NCAPH2: variants seen among roughly 807,000 people sequenced by gnomAD.
NCAPH2 encodes non-SMC condensin II complex subunit H2.
NCAPH2 carries 56 observed loss-of-function variants against 88.6 expected under a neutral mutation model. That is an observed-to-expected ratio of 0.63 (90% CI 0.51 to 0.79). NCAPH2 has a LOEUF of 0.79. Among genes scored for constraint, NCAPH2 ranks in the 30% least tolerant of loss-of-function variants. The pLI is 0.00. For missense variants in NCAPH2, 794 were observed against 792.0 expected, an observed-to-expected ratio of 1.00 and a Z score of -0.03; for synonymous variants, 378 against 313.6, an observed-to-expected ratio of 1.21 and a Z score of -2.17.
chr22:50,522,054 C>T lies in NCAPH2; in HGVS notation c.1162+15C>T, dbSNP rs1204124036. On this transcript the variant is annotated intron_variant, in intron 13 of 19. Coordinates refer to ENST00000420993, the MANE Select transcript of NCAPH2 (RefSeq NM_152299.4). The stretch of plus-strand genomic sequence containing the variant: ...GTCCTTTGCAGGTGAGGCTGAAGTC[C>T]TCGGGGAAGACAGTTTTACTCTCCT... 1.9e-6 allele frequency: 3 copies of T among 1,613,898 alleles called. No homozygotes were observed. The highest frequency in any genetic ancestry group is 1.7e-5 in the Admixed American group (1 of 60,010).
intron 1 of NCAPH2, 47 bp downstream of exon 1, chr22:50,508,492 T>TG: frequency 5.5e-6 from 2 of 361,032 alleles, no homozygotes; most frequent in Non-Finnish European, 9.3e-6. Context: ...CGGGTGGGGC[T>TG]GCGGGGCGGG....
intron 1 of NCAPH2, among the ~76,000 whole-genome samples, chr22:50,513,373 T>C (rs2068836849): frequency 6.6e-6 from 1 of 151,344 alleles, no homozygotes; most frequent in African/African-American, 2.5e-5. Context: ...CCGAGGTGGC[T>C]CACGCCTGTG....
chr22:50,514,996 G>A (rs1035406221), intron 1 of NCAPH2, among the ~76,000 whole-genome samples: 2 of 152,182 alleles, frequency 1.3e-5, no homozygotes, highest in African/African-American at 2.4e-5. Context: ...GAGCCTCTGC[G>A]TTTTTCAGGC....
At position 50,519,220 on chromosome 22, in the gene NCAPH2, G is replaced by GT; in HGVS notation, c.762dup (p.Gly255TrpfsTer15). On this transcript the variant is annotated frameshift_variant, in exon 9 of 20. Coordinates refer to ENST00000420993, the MANE Select transcript of NCAPH2 (RefSeq NM_152299.4). LOFTEE classifies it high-confidence loss of function. Reference sequence around the variant, plus strand: ...TCTCCAGAAGGCCCGATGCCCCTGGGTGGGGGCGAGGACGAGGATGCAGAG... The same window carrying GT: ...TCTCCAGAAGGCCCGATGCCCCTGGGTTGGGGGCGAGGACGAGGATGCAGAG... 6.2e-7 allele frequency: 1 copy of GT among 1,610,916 alleles called. No homozygotes were observed. Among genetic ancestry groups the GT allele is most frequent in the Non-Finnish European group, 8.5e-7 (1 of 1,179,164 alleles).
chr22:50,514,920 T>G (rs1234216881), intron 1 of NCAPH2, among the ~76,000 whole-genome samples: 3 of 152,250 alleles, frequency 2.0e-5, no homozygotes, highest in Non-Finnish European at 4.4e-5. Flanking sequence ...TAGATCATGC[T>G]CATTTTCCTG....
rs2148663391 is a variant in NCAPH2 at position 50,518,812 on chromosome 22, C to T, written c.730+80C>T. ...GAGGCAGCACCCAGTGGACAGGGCT[C>T]CAAGGGGCTGCTCTCAGCTGCCAGC... is the stretch of plus-strand genomic sequence containing the variant. On this transcript the variant is annotated intron_variant, in intron 8 of 19. Transcript: ENST00000420993. The T allele has an allele frequency of 7.4e-6, 10 of 1,355,796 alleles. No homozygotes were observed. The South Asian group carries it at 1.2e-4, about 16-fold the overall frequency. The allele number at this position is 1,355,796 out of a possible 1,614,324, so 84.0% of individuals were successfully genotyped here. A position where few individuals can be genotyped will look rare whatever the true frequency, so the allele number is the denominator to read the frequency against.
intron 1 of NCAPH2, among the ~76,000 whole-genome samples, chr22:50,516,112 C>T (rs905126893): frequency 3.9e-5 from 6 of 152,112 alleles, no homozygotes; most frequent in African/African-American, 1.4e-4. Flanking sequence ...CCTGAGGTTC[C>T]CTTTTCTTCT....
chr22:50,519,233 CGAG>C lies in NCAPH2; in HGVS notation c.777_779del (p.Glu259del). The stretch of plus-strand genomic sequence containing the variant: ...CGATGCCCCTGGGTGGGGGCGAGGA[CGAG>C]GATGCAGAGGAGGCAGTAGAGCTTC... On this transcript the variant is annotated inframe_deletion, in exon 9 of 20. Coordinates refer to ENST00000420993, the MANE Select transcript of NCAPH2 (RefSeq NM_152299.4). The C allele has an allele frequency of 6.2e-7, 1 of 1,610,368 alleles. No homozygotes were observed. The highest frequency in any genetic ancestry group is 2.2e-5 in the East Asian group (1 of 44,794).
chr22:50,524,704 C>G lies in NCAPH2; in HGVS notation c.*1329C>G. 1.6e-6 allele frequency: 1 copy of G among 636,802 alleles called. No individual in the cohort carries two copies. Among genetic ancestry groups the G allele is most frequent in the Non-Finnish European group, 3.0e-6 (1 of 333,410 alleles). The allele number at this position is 636,802 out of a possible 1,614,324, so 39.4% of individuals were successfully genotyped here. ...CTCAGCAAGGTGAACCTCTTGCTGA[C>G]GGAAAGCATTCCAAGTGCATGCCTT... On this transcript the variant is annotated 3_prime_UTR_variant, in exon 20 of 20. Transcript: ENST00000420993.
At chr22:50,516,209 A>C (rs536048621) in intron 1 of NCAPH2, among the ~76,000 whole-genome samples, 3 of 152,102 alleles carry the variant, frequency 2.0e-5, no homozygotes, top group Non-Finnish European at 2.9e-5. Context: ...GTTTGTAGAC[A>C]GTGTGCCCTG....
At chr22:50,510,317 T>A (rs1429145191) in intron 1 of NCAPH2, among the ~76,000 whole-genome samples, 1 of 151,982 alleles carries the variant, frequency 6.6e-6, no homozygotes, top group African/African-American at 2.4e-5. Flanking sequence ...CCCAGGCTGG[T>A]CTCAAACTGC....
intron 2 of NCAPH2, 80 bp downstream of exon 2, chr22:50,516,628 G>A: frequency 7.5e-7 from 1 of 1,330,804 alleles, no homozygotes; most frequent in Non-Finnish European, 1.1e-6. Context: ...GGCAGGTGCA[G>A]TGGTCGTCCC....
rs1439351743 is a variant in NCAPH2 at position 50,524,171 on chromosome 22, C to T, written c.*796C>T. 1 of 1,610,356 alleles carries T rather than the reference C, an allele frequency of 6.2e-7. No individual in the cohort carries two copies. The highest frequency in any genetic ancestry group is 1.7e-5 in the Admixed American group (1 of 60,028). The stretch of plus-strand genomic sequence containing the variant: ...TTTTGCTGCTGCAGCCTCTCCTTCT[C>T]AGCCCTCAGGGCCAGCCAGGCCCCA... On this transcript the variant is annotated 3_prime_UTR_variant, in exon 20 of 20. Transcript: ENST00000420993.
rs559208052 is a variant in NCAPH2 at position 50,516,914 on chromosome 22, C to T, written c.210+366C>T. Among the ~76,000 whole-genome samples the T allele has an allele frequency of 7.7e-4, 118 of 152,326 alleles. 1 individual carries two copies. Among genetic ancestry groups the T allele is most frequent in the African/African-American group, 1.6e-3 (65 of 41,582 alleles). On this transcript the variant is annotated intron_variant, in intron 2 of 19. Transcript: ENST00000420993. ...CACAACCACCACCCTCACGGTGGGGCCTCTGTTCTGTGGAGGAGAAGGACA... is the reference window on the plus strand; with the variant it reads ...CACAACCACCACCCTCACGGTGGGGTCTCTGTTCTGTGGAGGAGAAGGACA...
chr22:50,524,346 G>A lies in NCAPH2; in HGVS notation c.*971G>A, dbSNP rs768107740. ...GGGCCTGGCCTCCCAGGGTCCCAGG[G>A]AGGACCCGAGGCTTGAGCTGAGAGA... On this transcript the variant is annotated 3_prime_UTR_variant, in exon 20 of 20. Transcript: ENST00000420993. 3 of 1,601,916 alleles carry A rather than the reference G, an allele frequency of 1.9e-6. No homozygotes were observed. The highest frequency in any genetic ancestry group is 4.5e-5 in the East Asian group (2 of 44,866).
chr22:50,516,895 C>G (rs1279940325), intron 2 of NCAPH2, among the ~76,000 whole-genome samples: 1 of 152,186 alleles, frequency 6.6e-6, no homozygotes, highest in African/African-American at 2.4e-5. Flanking sequence ...AGTCCACAAC[C>G]ACCACCCTCA....
chr22:50,523,646 G>C lies in NCAPH2; in HGVS notation c.*271G>C, dbSNP rs374528231. 6.2e-7 allele frequency: 1 copy of C among 1,613,862 alleles called. No homozygotes were observed. Among genetic ancestry groups the C allele is most frequent in the East Asian group, 2.2e-5 (1 of 44,884 alleles). ...ACACTGCGGAAAGCCGCCATGTGCC[G>C]CCGCACACTGTCTGAGATCTGCTCA... On this transcript the variant is annotated 3_prime_UTR_variant, in exon 20 of 20. Coordinates refer to ENST00000420993, the MANE Select transcript of NCAPH2 (RefSeq NM_152299.4).
At position 50,524,364 on chromosome 22, in the gene NCAPH2, C is replaced by G. The variant is rs1483932961; in HGVS notation, c.*989C>G. ...TCCCAGGGAGGACCCGAGGCTTGAG[C>G]TGAGAGAGCCTGTGCCAAGCTGTGG... On this transcript the variant is annotated 3_prime_UTR_variant, in exon 20 of 20. Coordinates refer to ENST00000420993, the MANE Select transcript of NCAPH2 (RefSeq NM_152299.4). 1.2e-6 allele frequency: 2 copies of G among 1,602,410 alleles called. No individual in the cohort carries two copies. The highest frequency in any genetic ancestry group is 1.7e-6 in the Non-Finnish European group (2 of 1,179,920).
chr22:50,521,918 T>A, intron 12 of NCAPH2, 68 bp from the exon 13 acceptor site: 3 of 1,613,444 alleles, frequency 1.9e-6, no homozygotes, highest in Non-Finnish European at 2.5e-6. Context: ...TGGAGGAGGA[T>A]CAGCACCCTT....
Sources: gnomAD v4.1 joint callset for allele counts (sites outside exome capture counted in the v4.1 genomes callset) on GRCh38, gnomAD v4.1.1 for gene constraint, MANE v1.5 for transcripts, NCBI Gene and HGNC (gene_info 2026-07-23, HGNC 2026-07-21) for gene names.